The following PRKG1 variants were observed in gnomAD, a reference collection of about 807,000 sequenced individuals.
The protein encoded by PRKG1 is cGMP-dependent protein kinase 1.
Under a neutral mutation model 88.1 loss-of-function variants are expected in PRKG1, and 35 were observed. The observed-to-expected ratio is 0.40, with a 90% CI of 0.30 to 0.53. PRKG1 has a LOEUF of 0.53. Among genes scored for constraint, PRKG1 ranks in the 20% least tolerant of loss-of-function variants. The pLI, the probability that PRKG1 is intolerant of heterozygous loss-of-function variation, is 0.59. For synonymous variants in PRKG1, 303 were observed against 292.5 expected (o/e 1.04, Z -0.37); for missense variants, 540 against 839.8 (o/e 0.64, Z 4.41).
At chr10:52,014,638 C>T (rs1345010919) in intron 5 of PRKG1, among the ~76,000 whole-genome samples, 2 of 152,178 alleles carry the variant, frequency 1.3e-5, no homozygotes, top group East Asian at 3.8e-4. Flanking sequence ...ACTCAAATGT[C>T]CAAGTTTGAA....
chr10:51,752,844 A>T (rs1308819355), intron 3 of PRKG1, among the ~76,000 whole-genome samples: 3 of 152,164 alleles, frequency 2.0e-5, no homozygotes, highest in Non-Finnish European at 4.4e-5. Flanking sequence ...TAAAATATGT[A>T]TTCATATATG....
At chr10:51,965,134 T>C (rs1019871157) in intron 5 of PRKG1, among the ~76,000 whole-genome samples, 14 of 152,176 alleles carry the variant, frequency 9.2e-5, no homozygotes, top group African/African-American at 3.4e-4. Context: ...GTTTGTTCCG[T>C]AGGTAAACTT....
At chr10:52,015,987 C>T (rs952879067) in intron 5 of PRKG1, among the ~76,000 whole-genome samples, 2 of 152,206 alleles carry the variant, frequency 1.3e-5, no homozygotes, top group African/African-American at 4.8e-5. Flanking sequence ...TTGGTCAAAA[C>T]CATTAAACAA....
intron 2 of PRKG1, among the ~76,000 whole-genome samples, chr10:51,382,827 C>T (rs904484657): frequency 2.0e-5 from 3 of 152,120 alleles, no homozygotes; most frequent in African/African-American, 7.2e-5. Context: ...TTCCGTTTAA[C>T]CAAAAGTTAG....
intron 2 of PRKG1, among the ~76,000 whole-genome samples, chr10:51,317,623 G>A (rs1206702626): frequency 6.6e-6 from 1 of 152,168 alleles, no homozygotes; most frequent in Non-Finnish European, 1.5e-5. Flanking sequence ...GTAATAGGGA[G>A]GCCAGGACAG....
chr10:51,428,252 T>A (rs886893160), intron 2 of PRKG1, among the ~76,000 whole-genome samples: 11 of 152,230 alleles, frequency 7.2e-5, no homozygotes, highest in Non-Finnish European at 1.5e-4. Flanking sequence ...TTCTATTAAC[T>A]GAGGTAATTT....
At chr10:52,085,853 T>C (rs533144509) in intron 7 of PRKG1, among the ~76,000 whole-genome samples, 1 of 152,106 alleles carries the variant, frequency 6.6e-6, no homozygotes, top group South Asian at 2.1e-4. Flanking sequence ...ATATTTACTC[T>C]TTTTTTCAGT....
chr10:52,239,521 TAAAAAAAAAA>T lies in PRKG1; in HGVS notation c.1077-12034_1077-12025del. ...AATAAAAATAAAAATTTCTACAGTGTAAAAAAAAAAAAAAAAAAAAAAAAGAATTGTCATA... is the reference window on the plus strand; with the variant it reads ...AATAAAAATAAAAATTTCTACAGTGTAAAAAAAAAAAAAAGAATTGTCATA... On this transcript the variant is annotated intron_variant, in intron 9 of 17. Coordinates refer to ENST00000373980, the MANE Select transcript of PRKG1 (RefSeq NM_006258.4). Among the ~76,000 whole-genome samples the T allele has an allele frequency of 5.3e-5, 3 of 56,738 alleles. 1 individual carries two copies. The highest frequency in any genetic ancestry group is 5.8e-5 in the Non-Finnish European group (2 of 34,592). The allele number at this position is 56,738 out of a possible 152,430, so 37.2% of individuals were successfully genotyped here. A position where few individuals can be genotyped will look rare whatever the true frequency, so the allele number is the denominator to read the frequency against.
intron 5 of PRKG1, among the ~76,000 whole-genome samples, chr10:51,944,096 G>A (rs1842970916): frequency 6.6e-6 from 1 of 151,930 alleles, no homozygotes. Context: ...GACTCTTTTT[G>A]GTTAGTAAGC....
At chr10:52,117,590 A>C (rs1236078767) in intron 7 of PRKG1, among the ~76,000 whole-genome samples, 1 of 152,114 alleles carries the variant, frequency 6.6e-6, no homozygotes, top group Non-Finnish European at 1.5e-5. Context: ...CTCTACTCGG[A>C]AATTACTTGT....
chr10:51,199,042 C>T (rs112075886), intron 2 of PRKG1, among the ~76,000 whole-genome samples: 2,550 of 152,226 alleles, frequency 0.017, 39 homozygotes, highest in Middle Eastern at 0.054. Flanking sequence ...AAAAGGGTGA[C>T]GAACATCTGA....
chr10:51,233,239 T>C (rs1357116636), intron 2 of PRKG1, among the ~76,000 whole-genome samples: 1 of 152,172 alleles, frequency 6.6e-6, no homozygotes, highest in Non-Finnish European at 1.5e-5. Context: ...ATTGTTGTAT[T>C]CACATAATAA....
intron 3 of PRKG1, among the ~76,000 whole-genome samples, chr10:51,508,912 A>G (rs935093876): frequency 2.0e-5 from 3 of 152,210 alleles, no homozygotes; most frequent in Non-Finnish European, 2.9e-5. Flanking sequence ...GCTATTAGCT[A>G]TATTGATCAC....
intron 5 of PRKG1, among the ~76,000 whole-genome samples, chr10:51,942,285 T>C (rs1426927156): frequency 6.6e-6 from 1 of 151,810 alleles, no homozygotes; most frequent in Non-Finnish European, 1.5e-5. Flanking sequence ...CTTCACCCAC[T>C]TTTTGATGGG....
chr10:51,323,345 C>A (rs1841503065), intron 2 of PRKG1, among the ~76,000 whole-genome samples: 1 of 152,070 alleles, frequency 6.6e-6, no homozygotes, highest in Admixed American at 6.5e-5. Context: ...TTTCAAATAG[C>A]ACTAGACTTA....
intron 3 of PRKG1, among the ~76,000 whole-genome samples, chr10:51,618,464 T>C (rs1839121301): frequency 6.6e-6 from 1 of 152,186 alleles, no homozygotes; most frequent in South Asian, 2.1e-4. Flanking sequence ...ATTGTCATTG[T>C]CATCATCATC....
At chr10:51,538,130 A>T (rs1022905347) in intron 3 of PRKG1, among the ~76,000 whole-genome samples, 2 of 152,110 alleles carry the variant, frequency 1.3e-5, no homozygotes, top group South Asian at 2.1e-4. Context: ...ACTACACTGC[A>T]CCATTTCTCT....
chr10:51,061,164 C>G (rs1352413832), intron 1 of PRKG1, among the ~76,000 whole-genome samples: 1 of 151,728 alleles, frequency 6.6e-6, no homozygotes, highest in Non-Finnish European at 1.5e-5. Context: ...GTTTAATGGA[C>G]TCACAGTTCC....
chr10:51,007,841 C>T (rs1392021151), intron 1 of PRKG1, among the ~76,000 whole-genome samples: 1 of 152,200 alleles, frequency 6.6e-6, no homozygotes, highest in East Asian at 1.9e-4. Flanking sequence ...ACTAATTCAG[C>T]ATTGTTAAGA....
Sources: gnomAD v4.1 joint callset for allele counts (sites outside exome capture counted in the v4.1 genomes callset) on GRCh38, gnomAD v4.1.1 for gene constraint, MANE v1.5 for transcripts, NCBI Gene and HGNC (gene_info 2026-07-23, HGNC 2026-07-21) for gene names.